Variants in FCHO2 observed in about 807,000 individuals in gnomAD.
FCHO2 encodes the protein F-BAR domain only protein 2.
A neutral mutation model predicts 114.1 loss-of-function variants in FCHO2; 43 were observed. That is an observed-to-expected ratio of 0.38 (90% CI 0.30 to 0.49). FCHO2 has a LOEUF of 0.49. Among genes scored for constraint, FCHO2 ranks in the 20% least tolerant of loss-of-function variants. The pLI, the probability that FCHO2 is intolerant of heterozygous loss-of-function variation, is 0.97. For synonymous variants in FCHO2, 293 were observed against 315.2 expected, an observed-to-expected ratio of 0.93 and a Z score of 0.75; for missense variants, 807 against 950.4, an observed-to-expected ratio of 0.85 and a Z score of 1.98.
intron 2 of FCHO2, among the ~76,000 whole-genome samples, chr5:72,975,379 T>G (rs1752803285): frequency 6.6e-6 from 1 of 152,176 alleles, no homozygotes; most frequent in South Asian, 2.1e-4. Context: ...CAGGCTGGAG[T>G]GCAGTGGCTC....
At chr5:73,066,457 A>G (rs984556668) in intron 18 of FCHO2, among the ~76,000 whole-genome samples, 1 of 151,970 alleles carries the variant, frequency 6.6e-6, no homozygotes, top group African/African-American at 2.4e-5. Flanking sequence ...TTAAAAGTGC[A>G]ATTTATGAAC....
intron 1 of FCHO2, among the ~76,000 whole-genome samples, chr5:72,964,085 A>G (rs981390323): frequency 5.9e-5 from 9 of 152,084 alleles, no homozygotes; most frequent in African/African-American, 1.9e-4. Context: ...AATGAAAAAT[A>G]CTTTCATTTA....
intron 6 of FCHO2, among the ~76,000 whole-genome samples, chr5:73,012,138 G>A (rs1755049930): frequency 6.6e-6 from 1 of 152,174 alleles, no homozygotes; most frequent in Non-Finnish European, 1.5e-5. Context: ...GTGACAGGCA[G>A]CACAGTAGGT....
chr5:73,069,823 T>A (rs1742550364), intron 19 of FCHO2, among the ~76,000 whole-genome samples: 1 of 152,038 alleles, frequency 6.6e-6, no homozygotes, highest in Admixed American at 6.6e-5. Flanking sequence ...TCTACTCAGT[T>A]TTTTCTACAA....
At chr5:73,029,669 C>A (rs1756127074) in intron 8 of FCHO2, among the ~76,000 whole-genome samples, 1 of 152,070 alleles carries the variant, frequency 6.6e-6, no homozygotes, top group South Asian at 2.1e-4. Context: ...TCTGGTGAGA[C>A]CTTAGGAAAC....
rs966302951 is a variant in FCHO2, at chr5:73,088,920, T to G, written c.*830T>G. On this transcript the variant is annotated 3_prime_UTR_variant, in exon 26 of 26. Transcript: ENST00000430046. ...GTGTTCATTAATGTGCCTCACTTTT[T>G]TTCTCAGTCTGAATCTTCTGTTCAG... 2.0e-5 allele frequency: 3 copies of G among 152,752 alleles called. No individual in the cohort carries two copies. Among genetic ancestry groups the G allele is most frequent in the Admixed American group, 2.0e-4 (3 of 15,300 alleles). 9.5% of individuals were successfully genotyped at this position (152,752 alleles called of 1,614,324 possible). A position where few individuals can be genotyped will look rare whatever the true frequency, so the allele number is the denominator to read the frequency against.
At chr5:72,981,018 G>A (rs1351942228) in intron 2 of FCHO2, among the ~76,000 whole-genome samples, 1 of 151,926 alleles carries the variant, frequency 6.6e-6, no homozygotes, top group Non-Finnish European at 1.5e-5. Context: ...CCCATTAGTT[G>A]GTACAGTTTC....
intron 24 of FCHO2, among the ~76,000 whole-genome samples, chr5:73,086,663 A>G (rs1743322162): frequency 3.3e-5 from 5 of 152,030 alleles, no homozygotes. Flanking sequence ...TGGTCTCCCA[A>G]CCTTGCATCT....
intron 5 of FCHO2, 80 bp downstream of exon 5, chr5:72,990,944 T>A (rs1753778428): frequency 7.0e-7 from 1 of 1,422,564 alleles, no homozygotes; most frequent in Non-Finnish European, 9.4e-7. Context: ...TAGATCAAAC[T>A]GAAAATTATC....
At position 73,078,312 on chromosome 5, in the gene FCHO2, GGTGA is replaced by G; in HGVS notation, c.1980+4_1980+7del. 1 of 1,592,456 alleles carries G rather than the reference GGTGA, an allele frequency of 6.3e-7. No individual in the cohort carries two copies. Among genetic ancestry groups the G allele is most frequent in the Non-Finnish European group, 8.5e-7 (1 of 1,172,322 alleles). On this transcript the variant is annotated splice_donor_variant and splice_donor_region_variant and intron_variant, in intron 22 of 25. Transcript: ENST00000430046. LOFTEE classifies it high-confidence loss of function. Reference sequence around the variant, plus strand: ...ATAATGTAGATGTATTAAAGTATCAGGTGAGTGTCACGACATTGCAAAAATTCTA... The same window carrying G: ...ATAATGTAGATGTATTAAAGTATCAGGTGTCACGACATTGCAAAAATTCTA...
intron 1 of FCHO2, among the ~76,000 whole-genome samples, chr5:72,967,373 T>C (rs1403328395): frequency 6.6e-6 from 1 of 152,204 alleles, no homozygotes; most frequent in Admixed American, 6.5e-5. Context: ...TTTTCTCCCT[T>C]CTCAGGTTAA....
intron 19 of FCHO2, among the ~76,000 whole-genome samples, chr5:73,071,790 G>C (rs11745329): frequency 0.12 from 17,896 of 151,952 alleles, 1,266 homozygotes; most frequent in Non-Finnish European, 0.17. Context: ...TGTTAAGTGG[G>C]TTTTGAGTTT....
chr5:73,081,667 T>A, intron 22 of FCHO2, 116 bp from the exon 23 acceptor site: 2 of 656,092 alleles, frequency 3.0e-6, no homozygotes, highest in Non-Finnish European at 4.7e-6. Flanking sequence ...CAACAGATAG[T>A]CCCCTCATTA....
In FCHO2 at chr5:73,074,842, A is replaced by G; in HGVS notation, c.1680A>G (p.Ala560=). The G allele has an allele frequency of 6.2e-7, 1 of 1,611,470 alleles. No homozygotes were observed. The highest frequency in any genetic ancestry group is 8.5e-7 in the Non-Finnish European group (1 of 1,178,862). Residue 560 remains alanine (A), a synonymous_variant, in exon 20 of 26, where the codon GCA becomes GCG. Coordinates refer to ENST00000430046, the MANE Select transcript of FCHO2 (RefSeq NM_138782.3). Reference sequence around the variant, plus strand: ...CTGTTAATGCCTACTTTAAAGGAGCAGATCCCACCAAGTTAGTTTTTAAAA... The same window carrying G: ...CTGTTAATGCCTACTTTAAAGGAGCGGATCCCACCAAGTTAGTTTTTAAAA... ...TESVNAYFKG[A]DPTKCIVKIT...
chr5:73,081,040 G>T (rs1399582605), intron 22 of FCHO2, among the ~76,000 whole-genome samples: 1 of 152,166 alleles, frequency 6.6e-6, no homozygotes, highest in East Asian at 1.9e-4. Flanking sequence ...AGCCCAGGAG[G>T]TTGAGGCTGC....
chr5:73,078,171 T>C lies in FCHO2; in HGVS notation c.1848-9T>C. On this transcript the variant is annotated splice_polypyrimidine_tract_variant and intron_variant, in intron 21 of 25. Transcript: ENST00000430046. ...AATAAAATAACAAATATATTTTTTA[T>C]ATATGTAGTGATCCATCACAATGTG... 6.6e-7 allele frequency: 1 copy of C among 1,505,856 alleles called. No homozygotes were observed. The highest frequency in any genetic ancestry group is 8.9e-7 in the Non-Finnish European group (1 of 1,128,904). The allele number at this position is 1,505,856 out of a possible 1,614,324, so 93.3% of individuals were successfully genotyped here.
chr5:73,007,017 C>T (rs548312713), intron 6 of FCHO2, among the ~76,000 whole-genome samples: 6 of 152,302 alleles, frequency 3.9e-5, no homozygotes, highest in South Asian at 2.1e-4. Context: ...TTAAAGGCCT[C>T]GTTTAAGGTG....
intron 1 of FCHO2, among the ~76,000 whole-genome samples, chr5:72,964,004 T>C (rs996360536): frequency 1.3e-5 from 2 of 151,382 alleles, no homozygotes; most frequent in Non-Finnish European, 2.9e-5. Context: ...TAGCCTTCTG[T>C]CTCTTTGTAG....
intron 22 of FCHO2, among the ~76,000 whole-genome samples, chr5:73,079,075 G>T (rs1238901569): frequency 6.6e-6 from 1 of 152,080 alleles, no homozygotes; most frequent in East Asian, 1.9e-4. Context: ...TTCTCTAGAA[G>T]AATAAAGCTT....
Sources: allele counts gnomAD v4.1 joint callset (sites outside exome capture counted in the v4.1 genomes callset), GRCh38; gene constraint gnomAD v4.1.1; transcripts MANE v1.5; gene names NCBI Gene and HGNC (gene_info 2026-07-23, HGNC 2026-07-21).